Variants in FREM3 observed in about 807,000 individuals in gnomAD.
The protein encoded by FREM3 is FRAS1-related extracellular matrix protein 3.
Under a neutral mutation model 129.1 loss-of-function variants are expected in FREM3, and 105 were observed. The observed-to-expected ratio is 0.81, with a 90% CI of 0.69 to 0.96. The LOEUF (loss-of-function observed/expected upper bound fraction) is 0.96, where lower values mean the gene tolerates loss of function less well. Ranked by LOEUF, FREM3 falls within the 40% of genes least tolerant of loss-of-function variation. FREM3 has a pLI of 0.00. For synonymous variants in FREM3, 1,014 were observed against 1,044.9 expected, an observed-to-expected ratio of 0.97 and a Z score of 0.57; for missense variants, 2,593 against 2,666.3, an observed-to-expected ratio of 0.97 and a Z score of 0.61.
chr4:143,680,847 G>A (rs1385531792), intron 2 of FREM3, among the ~76,000 whole-genome samples: 2 of 151,974 alleles, frequency 1.3e-5, no homozygotes. Context: ...CTCTTGGTTG[G>A]TTCTATCACT....
intron 2 of FREM3, among the ~76,000 whole-genome samples, chr4:143,690,565 A>G (rs984611097): frequency 1.3e-5 from 2 of 152,116 alleles, no homozygotes; most frequent in African/African-American, 4.8e-5. Flanking sequence ...TGAAAGATCT[A>G]TTTCTAGAAG....
intron 2 of FREM3, among the ~76,000 whole-genome samples, chr4:143,643,002 G>A (rs1248564883): frequency 6.6e-6 from 1 of 151,990 alleles, no homozygotes; most frequent in Non-Finnish European, 1.5e-5. Flanking sequence ...AATGGCCAAC[G>A]GGTATATGAA....
intron 2 of FREM3, among the ~76,000 whole-genome samples, chr4:143,656,074 T>C (rs894594694): frequency 1.1e-4 from 17 of 152,280 alleles, no homozygotes; most frequent in African/African-American, 3.9e-4. Context: ...GTCTAATGTA[T>C]TGCAGTAAAA....
In FREM3 at chr4:143,698,314, G is replaced by C. The variant is rs1456303908; in HGVS notation, c.2362C>G (p.Gln788Glu). Residue 788 changes from glutamine to glutamate, a missense_variant, in exon 1 of 8, where the codon CAG becomes GAG. Transcript: ENST00000329798. ...AQVNQHKVAY[Q>E]PPQKLGIAPR... ...GCAATACCCAATTTCTGTGGAGGCT[G>C]GTAGGCAACTTTATGCTGATTTACC... 3.9e-5 allele frequency: 60 copies of C among 1,537,656 alleles called. No homozygotes were observed. The highest frequency in any genetic ancestry group is 7.3e-5 in the East Asian group (3 of 40,932).
chr4:143,671,210 T>G (rs764908594), intron 2 of FREM3, among the ~76,000 whole-genome samples: 20 of 152,194 alleles, frequency 1.3e-4, no homozygotes, highest in Non-Finnish European at 2.4e-4. Context: ...GATCACCTAT[T>G]ATATGTCAGG....
chr4:143,686,265 A>G (rs1002018593), intron 2 of FREM3, among the ~76,000 whole-genome samples: 1 of 152,234 alleles, frequency 6.6e-6, no homozygotes, highest in Admixed American at 6.5e-5. Flanking sequence ...CTTGTCCAAC[A>G]GGAAAATATC....
intron 2 of FREM3, among the ~76,000 whole-genome samples, chr4:143,639,110 A>G (rs1029432453): frequency 1.3e-5 from 2 of 152,138 alleles, no homozygotes; most frequent in Non-Finnish European, 1.5e-5. Flanking sequence ...AGAAAACAGA[A>G]TTTTCCTAAA....
At chr4:143,658,952 T>C (rs1475116909) in intron 2 of FREM3, among the ~76,000 whole-genome samples, 1 of 151,910 alleles carries the variant, frequency 6.6e-6, no homozygotes, top group African/African-American at 2.4e-5. Context: ...TTTCTCCCTT[T>C]ATGCATCTCC....
At chr4:143,668,627 T>A (rs1394583709) in intron 2 of FREM3, among the ~76,000 whole-genome samples, 1 of 152,258 alleles carries the variant, frequency 6.6e-6, no homozygotes, top group Non-Finnish European at 1.5e-5. Flanking sequence ...CATGGGCCTC[T>A]GAAAACCTGA....
chr4:143,668,747 A>G (rs576551249), intron 2 of FREM3, among the ~76,000 whole-genome samples: 35 of 152,340 alleles, frequency 2.3e-4, no homozygotes, highest in African/African-American at 7.9e-4. Flanking sequence ...TTCTCTGCCA[A>G]TTTCTCATAA....
intron 6 of FREM3, among the ~76,000 whole-genome samples, chr4:143,605,955 T>G (rs1738661420): frequency 6.6e-6 from 1 of 152,200 alleles, no homozygotes; most frequent in East Asian, 1.9e-4. Context: ...CTTTTTTCCC[T>G]TGTGGCCATT....
intron 2 of FREM3, among the ~76,000 whole-genome samples, chr4:143,631,928 T>C (rs890072132): frequency 3.9e-5 from 6 of 152,178 alleles, no homozygotes; most frequent in Admixed American, 6.6e-5. Flanking sequence ...GTCAAAATAC[T>C]TATGTGCATT....
At chr4:143,646,090 G>A (rs1739409655) in intron 2 of FREM3, among the ~76,000 whole-genome samples, 2 of 152,062 alleles carry the variant, frequency 1.3e-5, no homozygotes, top group Non-Finnish European at 2.9e-5. Context: ...GCACTTTCAT[G>A]AAGATTGAAA....
intron 2 of FREM3, among the ~76,000 whole-genome samples, chr4:143,644,177 ATGTGTG>A (rs10578943): frequency 1.3e-4 from 20 of 149,336 alleles, no homozygotes; most frequent in East Asian, 6.0e-4. Context: ...TGCTCTGCAT[ATGTGTG>A]TGTGTGTGTG....
In FREM3 at chr4:143,628,922, G is replaced by C. The variant is rs1480196046; in HGVS notation, c.5276-1162C>G. Among the ~76,000 whole-genome samples, 15 of 152,108 alleles carry C rather than the reference G, an allele frequency of 9.9e-5. 1 individual carries two copies. Among genetic ancestry groups the C allele is most frequent in the Non-Finnish European group, 2.9e-5 (2 of 68,020 alleles). Reference sequence around the variant, plus strand: ...CATTGGGAAGCAGTCGAGTAGCTTTGAAGAGCAGGACAAAGAAAGCAGGTA... The same window carrying C: ...CATTGGGAAGCAGTCGAGTAGCTTTCAAGAGCAGGACAAAGAAAGCAGGTA... On this transcript the variant is annotated intron_variant, in intron 2 of 7. Transcript: ENST00000329798.
At chr4:143,617,301 C>T (rs1433070933) in intron 5 of FREM3, among the ~76,000 whole-genome samples, 2 of 150,762 alleles carry the variant, frequency 1.3e-5, no homozygotes, top group South Asian at 2.1e-4. Flanking sequence ...GTGGTAGATG[C>T]GTCTAGATGC....
Position 143,696,757 on chromosome 4 carries a change from G to T in FREM3, c.3919C>A (p.Pro1307Thr), listed in dbSNP as rs1322559472. 2.0e-6 allele frequency: 3 copies of T among 1,537,736 alleles called. No individual in the cohort carries two copies. Among genetic ancestry groups the T allele is most frequent in the Non-Finnish European group, 2.6e-6 (3 of 1,147,054 alleles). Residue 1307 changes from proline (P) to threonine (T), a missense_variant, in exon 1 of 8, where the codon CCT becomes ACT. By Grantham distance (38) the Pro-to-Thr change is conservative. Around this residue, in one of 2 missense-constraint regions of FREM3, gnomAD observed 2,276 missense variants for 2,267.2 expected, o/e 1.00. Transcript: ENST00000329798. ...AGCCCATTGTTGACAGTCAGGTGAG[G>T]AGTTTCATCATCCACTAGGGTCACT... ...IVVTLVDDET[P>T]HLTVNNGLKV... is the part of the protein sequence containing the mutation.
At chr4:143,614,263 C>T (rs963903952) in intron 5 of FREM3, among the ~76,000 whole-genome samples, 1 of 152,136 alleles carries the variant, frequency 6.6e-6, no homozygotes, top group African/African-American at 2.4e-5. Context: ...TTACTTTGGG[C>T]AACTCTTTGA....
At chr4:143,610,111 C>G (rs1738731045) in intron 6 of FREM3, among the ~76,000 whole-genome samples, 1 of 152,088 alleles carries the variant, frequency 6.6e-6, no homozygotes, top group South Asian at 2.1e-4. Context: ...CAGGGCCTGT[C>G]CTTATTCTTA....
Sources: allele counts gnomAD v4.1 joint callset (sites outside exome capture counted in the v4.1 genomes callset), GRCh38; gene constraint gnomAD v4.1.1; regional missense constraint gnomAD v4.1.1; transcripts MANE v1.5; gene names NCBI Gene and HGNC (gene_info 2026-07-23, HGNC 2026-07-21).